The following VPS54 variants were observed in gnomAD, a reference collection of about 807,000 sequenced individuals.
VPS54 encodes VPS54 subunit of GARP complex.
A neutral mutation model predicts 121.5 loss-of-function variants in VPS54; 45 were observed. That is an observed-to-expected ratio of 0.37 (90% CI 0.29 to 0.47). The LOEUF is 0.47. Ranked by LOEUF, VPS54 falls within the 20% of genes least tolerant of loss-of-function variation. The pLI is 0.99. For synonymous variants in VPS54, 371 were observed against 385.8 expected (o/e 0.96, Z 0.45); for missense variants, 1,090 against 1,131.4 (o/e 0.96, Z 0.52).
chr2:64,005,252 C>CCTGTAGTGGTGGGACTACA (rs1559054118), intron 1 of VPS54, among the ~76,000 whole-genome samples: 2 of 150,708 alleles, frequency 1.3e-5, no homozygotes, highest in East Asian at 3.9e-4. Flanking sequence ...TACAGGTGCC[C>CCTGTAGTGGTGGGACTACA]GCCACCGCGC....
At chr2:63,984,959 T>C (rs1559039991) in intron 1 of VPS54, among the ~76,000 whole-genome samples, 1 of 151,922 alleles carries the variant, frequency 6.6e-6, no homozygotes. Flanking sequence ...TTAACAAGTC[T>C]AAAAAAACAA....
At chr2:63,899,962 A>G (rs533565970) in intron 20 of VPS54, among the ~76,000 whole-genome samples, 2 of 152,346 alleles carry the variant, frequency 1.3e-5, no homozygotes, top group Non-Finnish European at 2.9e-5. Context: ...AAAGCAAGAC[A>G]GTGCTTGATA....
Position 63,995,280 on chromosome 2 carries a change from G to A in VPS54, c.-20-11261C>T, listed in dbSNP as rs937548979. ...TAGTGGGAAATATCAAAATTTGGAC[G>A]AAGAATCAAACTGTCCAATGCATTG... On this transcript the variant is annotated intron_variant, in intron 1 of 22. Transcript: ENST00000272322. Among the ~76,000 whole-genome samples the A allele has an allele frequency of 3.3e-5, 5 of 152,298 alleles. No homozygotes were observed. In the East Asian group the frequency reaches 5.8e-4, roughly 18 times the overall value.
intron 12 of VPS54, among the ~76,000 whole-genome samples, chr2:63,923,900 C>T (rs895389616): frequency 1.3e-5 from 2 of 152,172 alleles, no homozygotes. Context: ...AAAACACTTG[C>T]TACAGGAATA....
chr2:63,966,584 A>C (rs1414676925), intron 5 of VPS54, among the ~76,000 whole-genome samples: 1 of 152,166 alleles, frequency 6.6e-6, no homozygotes, highest in Non-Finnish European at 1.5e-5. Context: ...ATTTACTGAT[A>C]TCCTTCCCTA....
Position 63,944,589 on chromosome 2 carries a change from T to C in VPS54, c.1301+11A>G, listed in dbSNP as rs1205855433. The C allele has an allele frequency of 1.2e-6, 2 of 1,603,674 alleles. No individual in the cohort carries two copies. Among genetic ancestry groups the C allele is most frequent in the Admixed American group, 1.7e-5 (1 of 59,474 alleles). On this transcript the variant is annotated intron_variant, in intron 10 of 22. Transcript: ENST00000272322. ...TGACTGATAACCACCAACCTATATATTTATACTTACTTCACAACAACATCT... is the reference window on the plus strand; with the variant it reads ...TGACTGATAACCACCAACCTATATACTTATACTTACTTCACAACAACATCT...
chr2:63,895,938 T>C (rs1461822839), intron 22 of VPS54, among the ~76,000 whole-genome samples: 1 of 152,120 alleles, frequency 6.6e-6, no homozygotes, highest in Non-Finnish European at 1.5e-5. Context: ...CAACCCAGAT[T>C]TAGTTATGGG....
intron 1 of VPS54, among the ~76,000 whole-genome samples, chr2:64,005,117 T>TTTTTTTTTTG (rs1678071915): frequency 8.0e-6 from 1 of 125,394 alleles, no homozygotes; most frequent in African/African-American, 3.2e-5. Flanking sequence ...TTTTTTTTTT[T>TTTTTTTTTTG]TTTTGAGACG....
intron 1 of VPS54, among the ~76,000 whole-genome samples, chr2:64,001,275 C>T (rs1677863335): frequency 6.6e-6 from 1 of 152,156 alleles, no homozygotes; most frequent in Admixed American, 6.5e-5. Context: ...TCAGTAAGCT[C>T]CCCTCTGGTC....
At chr2:63,979,980 A>T (rs992412049) in intron 3 of VPS54, among the ~76,000 whole-genome samples, 3 of 152,198 alleles carry the variant, frequency 2.0e-5, no homozygotes, top group Admixed American at 1.3e-4. Context: ...CTTTCAAGTC[A>T]GGCCAGGTTG....
At chr2:63,968,580 A>C (rs758649422) in intron 5 of VPS54, among the ~76,000 whole-genome samples, 1 of 151,938 alleles carries the variant, frequency 6.6e-6, no homozygotes, top group Non-Finnish European at 1.5e-5. Flanking sequence ...GTAGCTGGGC[A>C]TGGTGGCATG....
chr2:63,936,773 T>C (rs1674474200), intron 11 of VPS54, among the ~76,000 whole-genome samples: 1 of 152,156 alleles, frequency 6.6e-6, no homozygotes. Flanking sequence ...TACAAGACTA[T>C]GGTAATCATA....
chr2:63,914,278 C>T lies in VPS54; in HGVS notation c.2238G>A (p.Leu746=). 6.2e-7 allele frequency: 1 copy of T among 1,605,870 alleles called. No individual in the cohort carries two copies. The highest frequency in any genetic ancestry group is 8.5e-7 in the Non-Finnish European group (1 of 1,176,314). ...GQQYAVVGTV[L]LLIRIILEYC... ...ATTCAAGGATAATTCTTATTAACAG[C>T]AATACGGTTCTACAAGAAAAGAAAA... Residue 746 remains leucine, a synonymous_variant, in exon 17 of 23, where the codon TTG becomes TTA. Transcript: ENST00000272322.
At chr2:63,997,127 G>A (rs553597393) in intron 1 of VPS54, among the ~76,000 whole-genome samples, 3 of 152,264 alleles carry the variant, frequency 2.0e-5, no homozygotes, top group African/African-American at 7.2e-5. Flanking sequence ...TGAAATACAG[G>A]GGGCTGGTTC....
intron 6 of VPS54, among the ~76,000 whole-genome samples, chr2:63,964,385 T>A: frequency 6.6e-6 from 1 of 152,220 alleles, no homozygotes. Flanking sequence ...TATAGTTTAC[T>A]TCCTATTAAA....
intron 7 of VPS54, among the ~76,000 whole-genome samples, chr2:63,949,826 T>C (rs1220696970): frequency 6.6e-6 from 1 of 152,314 alleles, no homozygotes; most frequent in East Asian, 1.9e-4. Context: ...TGTTTCTATA[T>C]GGTACCAATC....
At chr2:64,016,420 A>C (rs1434496589) in intron 1 of VPS54, among the ~76,000 whole-genome samples, 1 of 152,194 alleles carries the variant, frequency 6.6e-6, no homozygotes, top group Non-Finnish European at 1.5e-5. Flanking sequence ...CATTATATGA[A>C]AGGCCCACAT....
Position 64,000,597 on chromosome 2 carries a change from A to AC in VPS54, c.-20-16579dup, listed in dbSNP as rs1419133807. 2.0e-5 allele frequency among the ~76,000 whole-genome samples: 3 copies of AC among 152,204 alleles called. No homozygotes were observed. In the East Asian group the frequency reaches 5.8e-4, roughly 29 times the overall value. On this transcript the variant is annotated intron_variant, in intron 1 of 22. Transcript: ENST00000272322. ...TTAAGCTGTATCTGCTTTAGGGGGC[A>AC]CCCCAAGCCCAGTAATGCTGTGGTT...
At chr2:63,979,298 G>C (rs948225099) in intron 3 of VPS54, among the ~76,000 whole-genome samples, 1 of 147,718 alleles carries the variant, frequency 6.8e-6, no homozygotes, top group Admixed American at 6.7e-5. Flanking sequence ...AGAGTGCAAT[G>C]GTGCGATCTC....
Sources: gnomAD v4.1 joint callset for allele counts (sites outside exome capture counted in the v4.1 genomes callset) on GRCh38, gnomAD v4.1.1 for gene constraint, MANE v1.5 for transcripts, NCBI Gene and HGNC (gene_info 2026-07-23, HGNC 2026-07-21) for gene names.